The following IQCM variants were observed in gnomAD, a reference collection of about 807,000 sequenced individuals.
IQCM encodes the protein IQ domain-containing protein M.
IQCM carries 45 observed loss-of-function variants against 57.6 expected under a neutral mutation model. The ratio of observed to expected loss-of-function variants is 0.78; its 90% CI spans 0.62 to 1.00. The LOEUF is 1.00. Ranked by LOEUF, IQCM falls within the 50% of genes least tolerant of loss-of-function variation. The pLI is 0.00. For missense variants in IQCM, 468 were observed against 511.6 expected (o/e 0.91, Z 0.82); for synonymous variants, 148 against 158.9 (o/e 0.93, Z 0.51).
intron 13 of IQCM, among the ~76,000 whole-genome samples, chr4:149,381,265 A>G (rs1403760127): frequency 6.6e-6 from 1 of 152,048 alleles, no homozygotes; most frequent in Non-Finnish European, 1.5e-5. Context: ...GATTATTGCA[A>G]TAACCCTTTG....
chr4:149,372,040 A>G (rs1007624814), intron 13 of IQCM, among the ~76,000 whole-genome samples: 2 of 152,212 alleles, frequency 1.3e-5, no homozygotes, highest in African/African-American at 4.8e-5. Flanking sequence ...TCTGATAAGT[A>G]CTTTAATTAT....
intron 8 of IQCM, among the ~76,000 whole-genome samples, chr4:149,617,613 G>A (rs1487780788): frequency 6.6e-6 from 1 of 151,962 alleles, no homozygotes; most frequent in Admixed American, 6.6e-5. Flanking sequence ...AACACCTAAA[G>A]TCTCCATCAA....
intron 7 of IQCM, among the ~76,000 whole-genome samples, chr4:149,652,225 T>A (rs1759248948): frequency 6.6e-6 from 1 of 151,956 alleles, no homozygotes; most frequent in Non-Finnish European, 1.5e-5. Context: ...ATGTTCTCAC[T>A]CATAAGTAGG....
chr4:149,699,017 A>G (rs543060695), intron 5 of IQCM, among the ~76,000 whole-genome samples: 4 of 152,142 alleles, frequency 2.6e-5, no homozygotes, highest in Non-Finnish European at 1.5e-5. Flanking sequence ...TTATAAAGAT[A>G]TGAATTTTAA....
At chr4:149,433,604 C>T (rs1359540580) in intron 12 of IQCM, 47 bp from the exon 13 acceptor site, 1 of 744,840 alleles carries the variant, frequency 1.3e-6, no homozygotes, top group Non-Finnish European at 1.8e-6. Flanking sequence ...ATTTTACAGA[C>T]TGTCATACTT....
At chr4:149,697,720 T>G (rs10857238) in intron 5 of IQCM, among the ~76,000 whole-genome samples, 76,138 of 151,936 alleles carry the variant, frequency 0.5, 19,386 homozygotes, top group South Asian at 0.59. Flanking sequence ...TGATTATCAC[T>G]TTTTGTCATT....
chr4:149,529,937 C>T (rs541226987), intron 12 of IQCM, among the ~76,000 whole-genome samples: 2 of 152,312 alleles, frequency 1.3e-5, no homozygotes, highest in South Asian at 4.1e-4. Context: ...TTCTTGGCGA[C>T]TGCTCCACTG....
chr4:149,532,174 G>T (rs1053728608), intron 12 of IQCM, among the ~76,000 whole-genome samples: 1 of 151,764 alleles, frequency 6.6e-6, no homozygotes, highest in Non-Finnish European at 1.5e-5. Flanking sequence ...ATACAGTCTC[G>T]GTATACATGA....
At chr4:149,666,766 G>T (rs1364109773) in intron 7 of IQCM, among the ~76,000 whole-genome samples, 6 of 152,032 alleles carry the variant, frequency 3.9e-5, no homozygotes, top group Non-Finnish European at 8.8e-5. Context: ...CATTACTGAG[G>T]CTTGAGTAGG....
intron 3 of IQCM, among the ~76,000 whole-genome samples, chr4:149,741,414 C>T (rs923599801): frequency 1.3e-5 from 2 of 152,072 alleles, no homozygotes; most frequent in South Asian, 4.1e-4. Flanking sequence ...TAGGGAAATG[C>T]CAGGCTCATA....
chr4:149,765,350 A>G (rs1396891465), intron 2 of IQCM, among the ~76,000 whole-genome samples: 1 of 152,136 alleles, frequency 6.6e-6, no homozygotes, highest in Non-Finnish European at 1.5e-5. Context: ...TCAAAGATGA[A>G]GTAATTTCGA....
chr4:149,397,005 C>A (rs896746659), intron 13 of IQCM, among the ~76,000 whole-genome samples: 3 of 151,960 alleles, frequency 2.0e-5, no homozygotes, highest in African/African-American at 7.2e-5. Context: ...ATGCAATGAA[C>A]ATAAGAATGC....
chr4:149,530,698 G>T (rs914987368), intron 12 of IQCM, among the ~76,000 whole-genome samples: 2 of 151,896 alleles, frequency 1.3e-5, no homozygotes, highest in Non-Finnish European at 2.9e-5. Context: ...TTTATTTCTA[G>T]GTAGAAAGAA....
chr4:149,467,163 C>A (rs1217321639), intron 12 of IQCM, among the ~76,000 whole-genome samples: 1 of 152,128 alleles, frequency 6.6e-6, no homozygotes, highest in African/African-American at 2.4e-5. Flanking sequence ...TGTGGACAGG[C>A]AACACCTTTT....
intron 13 of IQCM, among the ~76,000 whole-genome samples, chr4:149,405,415 G>C (rs1207481798): frequency 1.3e-5 from 2 of 151,908 alleles, no homozygotes; most frequent in African/African-American, 4.8e-5. Flanking sequence ...GTCAGGGGAT[G>C]GGGGGCTGGG....
At chr4:149,461,587 G>A (rs181881122) in intron 12 of IQCM, among the ~76,000 whole-genome samples, 33 of 150,406 alleles carry the variant, frequency 2.2e-4, no homozygotes, top group Admixed American at 1.2e-3. Context: ...CTGGGAGGTC[G>A]AGGCTGCCAT....
intron 9 of IQCM, among the ~76,000 whole-genome samples, chr4:149,580,605 A>C (rs192525558): frequency 1.8e-3 from 277 of 151,970 alleles, no homozygotes; most frequent in Non-Finnish European, 2.8e-3. Flanking sequence ...AAATCTTTGT[A>C]AACAAGGTAG....
chr4:149,696,849 T>C (rs1467830659), intron 5 of IQCM, among the ~76,000 whole-genome samples: 1 of 152,146 alleles, frequency 6.6e-6, no homozygotes, highest in Non-Finnish European at 1.5e-5. Context: ...GTCTGCATCA[T>C]GGCTTCTCAT....
intron 13 of IQCM, among the ~76,000 whole-genome samples, chr4:149,370,100 C>T (rs1177848496): frequency 6.6e-6 from 1 of 152,058 alleles, no homozygotes; most frequent in Non-Finnish European, 1.5e-5. Context: ...CCCTATGTTG[C>T]CCAGGCTGGT....
Sources: gnomAD v4.1 joint callset for allele counts (sites outside exome capture counted in the v4.1 genomes callset) on GRCh38, gnomAD v4.1.1 for gene constraint, MANE v1.5 for transcripts, NCBI Gene and HGNC (gene_info 2026-07-23, HGNC 2026-07-21) for gene names.